MBOAT7: variants seen among roughly 807,000 people sequenced by gnomAD.
MBOAT7 encodes membrane-bound acylglycerophosphatidylinositol O-acyltransferase MBOAT7.
MBOAT7 carries 40 observed loss-of-function variants against 47.4 expected under a neutral mutation model. That is an observed-to-expected ratio of 0.84 (90% CI 0.66 to 1.10). MBOAT7 has a LOEUF of 1.10. MBOAT7 is among the 50% of genes least tolerant of loss of function. The pLI, the probability that MBOAT7 is intolerant of heterozygous loss-of-function variation, is 0.00. For missense variants in MBOAT7, 680 were observed against 655.6 expected, an observed-to-expected ratio of 1.04 and a Z score of -0.41; for synonymous variants, 361 against 292.0, an observed-to-expected ratio of 1.24 and a Z score of -2.41.
Position 54,180,783 on chromosome 19 carries a change from G to C in MBOAT7, c.844C>G (p.Pro282Ala). 1 of 1,543,660 alleles carries C rather than the reference G, an allele frequency of 6.5e-7. No individual in the cohort carries two copies. The highest frequency in any genetic ancestry group is 1.4e-5 in the African/African-American group (1 of 73,528). ...AGGGPTLQCP[P>A]PSSPEKAASL... ...CTCGCGCCGCCTGACCTGCTGGGGG[G>C]TGGGCATTGGAGGGTGGGGCCGCCT... The change falls in exon 6 of 8, where the codon CCC (proline) becomes GCC (alanine). Residue 282 changes from proline to alanine, a missense_variant. Physicochemically the swap from Pro to Ala is conservative, Grantham distance 27 (BLOSUM62 -1). Transcript: ENST00000245615. This position sits in a 1 kb window ranked among gnomAD's most constrained non-coding sequence, Gnocchi z 5.2.
chr19:54,180,533 G>GGGCA lies in MBOAT7; in HGVS notation c.854+236_854+239dup. 2.0e-6 allele frequency: 1 copy of GGGCA among 491,132 alleles called. No homozygotes were observed. The highest frequency in any genetic ancestry group is 3.5e-5 in the South Asian group (1 of 28,904). The allele number at this position is 491,132 out of a possible 1,614,324, so 30.4% of individuals were successfully genotyped here. A position where few individuals can be genotyped will look rare whatever the true frequency, so the allele number is the denominator to read the frequency against. On this transcript the variant is annotated intron_variant, in intron 6 of 7. Transcript: ENST00000245615. The surrounding 1 kb of genome is among the most constrained non-coding windows in gnomAD (Gnocchi z 5.2). ...GTTACCACCTTTTCCTAGCGACAGGGGGCAGTTCACCACACTGCGGGGTGA... is the reference window on the plus strand; with the variant it reads ...GTTACCACCTTTTCCTAGCGACAGGGGGCAGGCAGTTCACCACACTGCGGGGTGA...
In MBOAT7 at chr19:54,174,004, A is replaced by G. The variant is rs777760704; in HGVS notation, c.*40T>C. 2.6e-6 allele frequency: 4 copies of G among 1,532,258 alleles called. No homozygotes were observed. The highest frequency in any genetic ancestry group is 3.5e-6 in the Non-Finnish European group (4 of 1,144,210). The allele number at this position is 1,532,258 out of a possible 1,614,324, so 94.9% of individuals were successfully genotyped here. A position where few individuals can be genotyped will look rare whatever the true frequency, so the allele number is the denominator to read the frequency against. ...GAGGAGACAGCAGCCTGGTTCACAG[A>G]ATTCCCGGGACCAGCTGGCAGAGGG... On this transcript the variant is annotated 3_prime_UTR_variant, in exon 8 of 8. Coordinates refer to ENST00000245615, the MANE Select transcript of MBOAT7 (RefSeq NM_024298.5).
At chr19:54,185,303 C>G (rs1462984028) in intron 4 of MBOAT7, among the ~76,000 whole-genome samples, 1 of 152,052 alleles carries the variant, frequency 6.6e-6, no homozygotes, top group African/African-American at 2.4e-5. Flanking sequence ...AGCAGTCCTC[C>G]CACTATGACC....
chr19:54,188,729 C>T (rs1013267078), intron 1 of MBOAT7, among the ~76,000 whole-genome samples: 2 of 151,912 alleles, frequency 1.3e-5, no homozygotes, highest in Admixed American at 1.3e-4. Context: ...CTCCTTTGAG[C>T]GCACAGGCCT....
In MBOAT7 at chr19:54,178,685, A is replaced by G; in HGVS notation, c.1031+80T>C. 1.9e-6 allele frequency: 3 copies of G among 1,551,258 alleles called. No individual in the cohort carries two copies. The East Asian group carries it at 7.0e-5, about 36-fold the overall frequency. The stretch of plus-strand genomic sequence containing the variant: ...AGCCTCCGGGGGCAGGGGCCCAGCC[A>G]GGGACGCTGCAGGCTACCCTGGGGC... On this transcript the variant is annotated intron_variant, in intron 7 of 7. Coordinates refer to ENST00000245615, the MANE Select transcript of MBOAT7 (RefSeq NM_024298.5).
intron 4 of MBOAT7, among the ~76,000 whole-genome samples, chr19:54,184,161 C>CTTT (rs770373656): frequency 2.9e-5 from 3 of 103,922 alleles, no homozygotes; most frequent in Non-Finnish European, 3.8e-5. Context: ...ATCTCTCTCT[C>CTTT]TTTTTTTTTT....
Position 54,173,953 on chromosome 19 carries a change from TC to T in MBOAT7, c.*90del. On this transcript the variant is annotated 3_prime_UTR_variant, in exon 8 of 8. Transcript: ENST00000245615. ...GAAGAGGAAATTCTCTCCAGGACCC[TC>T]TCCAAGGTAAGGACTCTTTCTGGGG... The T allele has an allele frequency of 7.1e-7, 1 of 1,418,048 alleles. No homozygotes were observed. The highest frequency in any genetic ancestry group is 9.4e-7 in the Non-Finnish European group (1 of 1,068,332). The allele number at this position is 1,418,048 out of a possible 1,614,324, so 87.8% of individuals were successfully genotyped here.
chr19:54,175,178 C>T (rs952060720), intron 7 of MBOAT7, among the ~76,000 whole-genome samples: 31 of 152,090 alleles, frequency 2.0e-4, no homozygotes, highest in Admixed American at 2.0e-4. Flanking sequence ...CGGGGTTTCA[C>T]CGTGTTAGCC....
rs112064263 is a variant in MBOAT7, at chr19:54,180,967, G to A, written c.660C>T (p.Asp220=). 5.7e-6 allele frequency: 9 copies of A among 1,574,490 alleles called. No homozygotes were observed. The highest frequency in any genetic ancestry group is 2.3e-5 in the South Asian group (2 of 86,146). The part of the protein sequence containing the change: ...HLFPLEAVRE[D]AFYARPLPAR... Reference sequence around the variant, plus strand: ...CGGGCAGCGGGCGGGCGTAGAAGGCGTCCTCGCGCACGGCCTCCAGCGGGA... The same window carrying A: ...CGGGCAGCGGGCGGGCGTAGAAGGCATCCTCGCGCACGGCCTCCAGCGGGA... The change falls in exon 6 of 8, where the codon GAC becomes GAT. Residue 220 remains aspartate, a synonymous_variant. Coordinates refer to ENST00000245615, the MANE Select transcript of MBOAT7 (RefSeq NM_024298.5). This position sits in a 1 kb window ranked among gnomAD's most constrained non-coding sequence, Gnocchi z 5.2.
intron 7 of MBOAT7, among the ~76,000 whole-genome samples, chr19:54,175,190 G>A (rs189601372): frequency 1.4e-4 from 21 of 152,238 alleles, no homozygotes; most frequent in African/African-American, 4.1e-4. Context: ...GTGTTAGCCA[G>A]GATGGTCTCG....
intron 1 of MBOAT7, 79 bp downstream of exon 1, chr19:54,189,259 G>A: frequency 6.5e-6 from 1 of 153,298 alleles, no homozygotes; most frequent in Non-Finnish European, 1.5e-5. Flanking sequence ...CTCCGGGGCC[G>A]CCCCGCACCC....
intron 4 of MBOAT7, among the ~76,000 whole-genome samples, chr19:54,184,376 T>C (rs972715569): frequency 6.6e-5 from 10 of 151,938 alleles, no homozygotes; most frequent in African/African-American, 2.2e-4. Flanking sequence ...CCATCTCCAC[T>C]ACTGAGCTGA....
At position 54,179,008 on chromosome 19, in the gene MBOAT7, C is replaced by G; in HGVS notation, c.855-67G>C. 3 of 1,571,604 alleles carry G rather than the reference C, an allele frequency of 1.9e-6. No homozygotes were observed. In the South Asian group the frequency reaches 3.5e-5, roughly 18 times the overall value. ...CAGCCAGGCCCCCTCCCGACGCCTG[C>G]TAGTGTCCCAGCCCCGGATGCTAAG... On this transcript the variant is annotated intron_variant, in intron 6 of 7. Coordinates refer to ENST00000245615, the MANE Select transcript of MBOAT7 (RefSeq NM_024298.5).
chr19:54,179,082 G>A, intron 6 of MBOAT7, 141 bp from the exon 7 acceptor site: 10 of 1,223,792 alleles, frequency 8.2e-6, no homozygotes, highest in Non-Finnish European at 1.1e-5. Flanking sequence ...GACTTGCTAG[G>A]GCAGCAAGGG....
Position 54,174,046 on chromosome 19 carries a change from A to G in MBOAT7, c.1417T>C (p.Ter473GlnextTer48), listed in dbSNP as rs1192006192. Residue 473 changes from the stop codon to glutamine (Q), a stop_lost, in exon 8 of 8, where the codon TAA becomes CAA. Transcript: ENST00000245615. ...GGCAGAGGGAGCGTCGTGACAGCTT[A>G]CTCCTCCCGGAGCTTCTCCGGGGCA... ...SLAPEKLREE[*>Q] is the part of the protein sequence containing the mutation. 2.5e-6 allele frequency: 4 copies of G among 1,583,904 alleles called. No homozygotes were observed. Among genetic ancestry groups the G allele is most frequent in the Non-Finnish European group, 3.4e-6 (4 of 1,168,130 alleles).
chr19:54,179,862 A>G (rs1028228494), intron 6 of MBOAT7: 2 of 152,170 alleles, frequency 1.3e-5, no homozygotes, highest in African/African-American at 4.8e-5. Context: ...CTGTTCCCCC[A>G]GCCGCAGTCC....
intron 3 of MBOAT7, among the ~76,000 whole-genome samples, chr19:54,187,902 C>A (rs968099290): frequency 6.6e-6 from 1 of 151,946 alleles, no homozygotes; most frequent in Non-Finnish European, 1.5e-5. Flanking sequence ...GTAATCCCAG[C>A]TACTTGGGAG....
chr19:54,178,882 T>C lies in MBOAT7; in HGVS notation c.914A>G (p.Tyr305Cys), dbSNP rs2076189365. 6.8e-6 allele frequency: 11 copies of C among 1,613,620 alleles called. No homozygotes were observed. The highest frequency in any genetic ancestry group is 9.3e-6 in the Non-Finnish European group (11 of 1,180,018). Residue 305 changes from tyrosine to cysteine, a missense_variant, in exon 7 of 8, where the codon TAC becomes TGC. Coordinates refer to ENST00000245615, the MANE Select transcript of MBOAT7 (RefSeq NM_024298.5). ...DYETIRNIDC[Y>C]STDFCVRVRD... Reference sequence around the variant, plus strand: ...CACCCGCACGCAGAAATCTGTGCTGTAGCAGTCGATGTTGCGGATGGTCTC... The same window carrying C: ...CACCCGCACGCAGAAATCTGTGCTGCAGCAGTCGATGTTGCGGATGGTCTC...
intron 5 of MBOAT7, among the ~76,000 whole-genome samples, chr19:54,182,017 A>G (rs1233422470): frequency 1.5e-4 from 13 of 84,526 alleles, no homozygotes; most frequent in Non-Finnish European, 2.5e-4. Flanking sequence ...GAGGGAAGGA[A>G]GGAGGGAGGG....
Sources: allele counts gnomAD v4.1 joint callset (sites outside exome capture counted in the v4.1 genomes callset), GRCh38; gene constraint gnomAD v4.1.1; non-coding constraint Gnocchi (gnomAD v3.1); transcripts MANE v1.5; gene names NCBI Gene and HGNC (gene_info 2026-07-23, HGNC 2026-07-21).